The following PTPRQ variants were observed in gnomAD, a reference collection of about 807,000 sequenced individuals.
PTPRQ encodes phosphatidylinositol phosphatase PTPRQ.
PTPRQ carries 199 observed loss-of-function variants against 246.0 expected under a neutral mutation model. That is an observed-to-expected ratio of 0.81 (90% confidence interval 0.72 to 0.91). The LOEUF (loss-of-function observed/expected upper bound fraction) is 0.91, where lower values mean the gene tolerates loss of function less well. Among genes scored for constraint, PTPRQ ranks in the 40% least tolerant of loss-of-function variants. The probability of loss-of-function intolerance (pLI) is 0.00; values close to 1 mark genes in which losing one functional copy is unlikely to be tolerated. For missense variants in PTPRQ, 2,624 were observed against 2,528.4 expected, an observed-to-expected ratio of 1.04 and a Z score of -0.81; for synonymous variants, 869 against 853.2, an observed-to-expected ratio of 1.02 and a Z score of -0.32.
chr12:80,607,044 C>G (rs1444537233), intron 27 of PTPRQ, among the ~76,000 whole-genome samples: 1 of 150,858 alleles, frequency 6.6e-6, no homozygotes, highest in African/African-American at 2.4e-5. Flanking sequence ...TCAAAGTGAG[C>G]AAGGGAAAGA....
intron 17 of PTPRQ, among the ~76,000 whole-genome samples, chr12:80,516,611 A>C (rs74108884): frequency 0.03 from 4,553 of 152,282 alleles, 259 homozygotes; most frequent in African/African-American, 0.1. Context: ...CTGGTCAAAT[A>C]ATTCCCTCAG....
chr12:80,648,260 G>T (rs1900141434), intron 35 of PTPRQ, among the ~76,000 whole-genome samples: 1 of 151,938 alleles, frequency 6.6e-6, no homozygotes, highest in Non-Finnish European at 1.5e-5. Context: ...AATTTGTTGT[G>T]CATGACGTAA....
chr12:80,608,853 T>C (rs1428684356), intron 27 of PTPRQ, among the ~76,000 whole-genome samples: 1 of 150,590 alleles, frequency 6.6e-6, no homozygotes, highest in Admixed American at 6.6e-5. Context: ...GTTACCCATC[T>C]CTGCACCTCT....
chr12:80,523,321 G>T (rs1895569874), intron 17 of PTPRQ, among the ~76,000 whole-genome samples: 1 of 152,076 alleles, frequency 6.6e-6, no homozygotes, highest in Non-Finnish European at 1.5e-5. Flanking sequence ...CCAGCTCCTG[G>T]ATTCATTGAT....
At chr12:80,673,077 A>C (rs532076995) in intron 42 of PTPRQ, 92 bp from the exon 43 acceptor site, 1 of 1,467,050 alleles carries the variant, frequency 6.8e-7, no homozygotes, top group South Asian at 1.4e-5. Context: ...AAACTATTAG[A>C]ATTTATTGCT....
intron 26 of PTPRQ, among the ~76,000 whole-genome samples, chr12:80,599,772 A>C (rs953542693): frequency 6.6e-6 from 1 of 151,398 alleles, no homozygotes; most frequent in Non-Finnish European, 1.5e-5. Flanking sequence ...TTGGTGTTCT[A>C]AATATTTCTC....
At position 80,673,135 on chromosome 12, in the gene PTPRQ, T is replaced by C. The variant is rs1486711653; in HGVS notation, c.6603-34T>C. On this transcript the variant is annotated intron_variant, in intron 42 of 44. Transcript: ENST00000644991. The stretch of plus-strand genomic sequence containing the variant: ...CCCATCAAAATGAACAACCCTTTGC[T>C]GAATAATTTTCATGTAATTTACCCT... The C allele has an allele frequency of 7.8e-6, 12 of 1,547,466 alleles. No homozygotes were observed. In the African/African-American group the frequency reaches 1.5e-4, roughly 19 times the overall value.
chr12:80,448,566 T>A (rs1262673528), intron 3 of PTPRQ, among the ~76,000 whole-genome samples: 5 of 147,270 alleles, frequency 3.4e-5, no homozygotes, highest in Admixed American at 6.7e-5. Flanking sequence ...GATGTTCCCC[T>A]TCCTGTGTCC....
At position 80,542,179 on chromosome 12, in the gene PTPRQ, G is replaced by A. The variant is rs1166982547; in HGVS notation, c.3536G>A (p.Gly1179Asp). 3.9e-6 allele frequency: 6 copies of A among 1,550,824 alleles called. No homozygotes were observed. In the Admixed American group the frequency reaches 1.2e-4, roughly 30 times the overall value. ...TGGGATCCCCCAGTAAAGCCAAATG[G>A]TGCAATAATAAGTTATGATTTAACT... ...LSWDPPVKPN[G>D]AIISYDLTLQ... is the part of the protein sequence containing the mutation. The change falls in exon 22 of 45, where the codon GGT becomes GAT. Residue 1179 changes from glycine (G) to aspartate (D), a missense_variant. Physicochemically the swap from Gly to Asp is moderately conservative, Grantham distance 94. Coordinates refer to ENST00000644991, the MANE Select transcript of PTPRQ (RefSeq NM_001145026.2).
At chr12:80,446,372 A>T (rs1892553493) in intron 3 of PTPRQ, among the ~76,000 whole-genome samples, 2 of 151,932 alleles carry the variant, frequency 1.3e-5, no homozygotes, top group South Asian at 4.1e-4. Context: ...AGGTTTTGAG[A>T]TATTGTGGTC....
At chr12:80,449,202 A>G (rs1033395293) in intron 3 of PTPRQ, among the ~76,000 whole-genome samples, 3 of 151,034 alleles carry the variant, frequency 2.0e-5, no homozygotes, top group African/African-American at 4.9e-5. Flanking sequence ...CATGTCCTTC[A>G]CCCACTTTTT....
chr12:80,556,390 G>A (rs1845624436), intron 25 of PTPRQ, among the ~76,000 whole-genome samples: 1 of 152,076 alleles, frequency 6.6e-6, no homozygotes, highest in Admixed American at 6.5e-5. Flanking sequence ...TTTTTGAAGA[G>A]TGAAATGTGA....
intron 39 of PTPRQ, among the ~76,000 whole-genome samples, chr12:80,660,927 C>T (rs1163012): frequency 0.5 from 76,365 of 151,760 alleles, 21,816 homozygotes; most frequent in African/African-American, 0.8. Context: ...CATTTATTAA[C>T]TGCCTTCTCT....
intron 19 of PTPRQ, among the ~76,000 whole-genome samples, chr12:80,535,989 C>T (rs1895976422): frequency 6.6e-6 from 1 of 152,176 alleles, no homozygotes; most frequent in Admixed American, 6.5e-5. Context: ...CGCCTGTAGT[C>T]CCAGCTACTG....
chr12:80,550,984 T>C (rs1896458677), intron 25 of PTPRQ, among the ~76,000 whole-genome samples: 2 of 152,148 alleles, frequency 1.3e-5, no homozygotes, highest in South Asian at 4.1e-4. Context: ...TCCAGATATC[T>C]TCTCTTAGGA....
At chr12:80,610,327 TA>T (rs1051091188) in intron 27 of PTPRQ, 111 bp from the exon 28 acceptor site, 5 of 837,922 alleles carry the variant, frequency 6.0e-6, no homozygotes, top group Admixed American at 8.4e-5. Flanking sequence ...GTAAAATAAA[TA>T]AATACAAATT....
At chr12:80,668,347 A>C (rs5008790) in intron 39 of PTPRQ, among the ~76,000 whole-genome samples, 70,549 of 151,676 alleles carry the variant, frequency 0.47, 17,720 homozygotes, top group African/African-American at 0.67. Context: ...ATGTCCTATG[A>C]GTTTACTGTA....
At chr12:80,511,474 T>C (rs1895126946) in intron 17 of PTPRQ, among the ~76,000 whole-genome samples, 1 of 152,168 alleles carries the variant, frequency 6.6e-6, no homozygotes, top group Admixed American at 6.5e-5. Context: ...AGAATACCTA[T>C]ATACTCATGA....
chr12:80,539,486 T>C (rs1290552543), intron 19 of PTPRQ, among the ~76,000 whole-genome samples: 1 of 152,148 alleles, frequency 6.6e-6, no homozygotes, highest in Non-Finnish European at 1.5e-5. Flanking sequence ...AGCACAGTTG[T>C]AGCATTTCCA....
Sources: allele counts gnomAD v4.1 joint callset (sites outside exome capture counted in the v4.1 genomes callset), GRCh38; gene constraint gnomAD v4.1.1; transcripts MANE v1.5; gene names NCBI Gene and HGNC (gene_info 2026-07-23, HGNC 2026-07-21).